The following ZNF438 variants were observed in gnomAD, a reference collection of about 807,000 sequenced individuals.
ZNF438 encodes the protein zinc finger protein 438.
In ZNF438, 25 loss-of-function variants were observed where a neutral mutation model predicts 38.0. That is an observed-to-expected ratio of 0.66 (90% confidence interval 0.48 to 0.92). The LOEUF is 0.92. ZNF438 is among the 40% of genes least tolerant of loss of function. The pLI is 0.00. For synonymous variants in ZNF438, 372 were observed against 364.1 expected, an observed-to-expected ratio of 1.02 and a Z score of -0.25; for missense variants, 1,007 against 999.6, an observed-to-expected ratio of 1.01 and a Z score of -0.10.
chr10:31,027,628 T>A (rs906978271), intron 1 of ZNF438, among the ~76,000 whole-genome samples: 1 of 152,172 alleles, frequency 6.6e-6, no homozygotes, highest in African/African-American at 2.4e-5. Flanking sequence ...TTATACCATA[T>A]ATGGGTATCT....
At chr10:30,947,807 CCTTT>C (rs982071727) in intron 1 of ZNF438, among the ~76,000 whole-genome samples, 9 of 152,216 alleles carry the variant, frequency 5.9e-5, no homozygotes, top group Non-Finnish European at 1.3e-4. Flanking sequence ...ATCTGTCACC[CCTTT>C]CTTTGACTCG....
chr10:30,845,694 G>A, intron 5 of ZNF438, 121 bp from the exon 7 acceptor site: 2 of 1,246,150 alleles, frequency 1.6e-6, no homozygotes, highest in South Asian at 1.5e-5. Flanking sequence ...ACAAGGGCTG[G>A]GGTAAACAGA....
At chr10:30,967,111 A>G (rs1295895046) in intron 1 of ZNF438, among the ~76,000 whole-genome samples, 2 of 152,096 alleles carry the variant, frequency 1.3e-5, no homozygotes, top group Non-Finnish European at 1.5e-5. Context: ...TGGCAAAAGT[A>G]CTCCTTTTCC....
intron 2 of ZNF438, among the ~76,000 whole-genome samples, chr10:30,914,913 G>A (rs2043443994): frequency 1.3e-5 from 2 of 151,900 alleles, no homozygotes; most frequent in African/African-American, 4.8e-5. Flanking sequence ...TATGACCTAA[G>A]AAGAAATGCC....
intron 4 of ZNF438, among the ~76,000 whole-genome samples, chr10:30,874,905 T>A (rs10826886): frequency 0.39 from 58,911 of 151,624 alleles, 11,730 homozygotes; most frequent in Admixed American, 0.41. Flanking sequence ...AGTCACTTAC[T>A]GGTTGGTGGT....
intron 1 of ZNF438, among the ~76,000 whole-genome samples, chr10:30,949,111 C>A (rs1337295153): frequency 6.6e-6 from 1 of 152,112 alleles, no homozygotes; most frequent in Admixed American, 6.6e-5. Flanking sequence ...TTCTTAAAGA[C>A]AACAATTTTC....
chr10:30,983,094 T>A (rs1019865983), intron 1 of ZNF438, among the ~76,000 whole-genome samples: 1 of 152,062 alleles, frequency 6.6e-6, no homozygotes, highest in Non-Finnish European at 1.5e-5. Context: ...GAAAAAGAAG[T>A]GTACTGGGAA....
intron 3 of ZNF438, among the ~76,000 whole-genome samples, chr10:30,890,083 CAAAA>C (rs71863439): frequency 3.2e-5 from 3 of 93,382 alleles, no homozygotes; most frequent in Admixed American, 1.1e-4. Context: ...TTGGCATTTC[CAAAA>C]AAAAAAAAAA....
At chr10:30,950,162 G>A (rs1313875632) in intron 1 of ZNF438, among the ~76,000 whole-genome samples, 21 of 150,350 alleles carry the variant, frequency 1.4e-4, no homozygotes, top group South Asian at 6.4e-4. Flanking sequence ...GGTACATAAC[G>A]AAATGAAGGC....
chr10:30,866,631 G>A (rs1279688975), intron 4 of ZNF438, among the ~76,000 whole-genome samples: 2 of 152,018 alleles, frequency 1.3e-5, no homozygotes, highest in Admixed American at 6.5e-5. Context: ...TCAGGAGATC[G>A]AGACCATCCT....
chr10:30,983,444 TAC>T (rs2052441592), intron 1 of ZNF438, among the ~76,000 whole-genome samples: 1 of 152,060 alleles, frequency 6.6e-6, no homozygotes, highest in South Asian at 2.1e-4. Context: ...GGGGAGGTGT[TAC>T]ACACTTTTAA....
At position 30,960,889 on chromosome 10, in the gene ZNF438, C is replaced by T. The variant is rs370588140; in HGVS notation, c.-191-19238G>A. 3.4e-5 allele frequency among the ~76,000 whole-genome samples: 5 copies of T among 146,074 alleles called. No individual in the cohort carries two copies. The East Asian group carries it at 9.7e-4, about 28-fold the overall frequency. ...AAGATTTCAACCATTAACGTATTCC[C>T]CTAGGATTGACTGTAAAATTAAGTT... On this transcript the variant is annotated intron_variant, in intron 1 of 5. Coordinates refer to ENST00000413025, the Ensembl canonical transcript of ZNF438.
chr10:31,010,573 A>C (rs1201122529), intron 1 of ZNF438, among the ~76,000 whole-genome samples: 1 of 152,178 alleles, frequency 6.6e-6, no homozygotes, highest in East Asian at 1.9e-4. Flanking sequence ...AAAATTGAAC[A>C]TGTTTAATTA....
chr10:30,951,159 C>G (rs1254870706), intron 1 of ZNF438, among the ~76,000 whole-genome samples: 1 of 151,234 alleles, frequency 6.6e-6, no homozygotes, highest in African/African-American at 2.4e-5. Flanking sequence ...ACATGATTAT[C>G]TCAATAGATG....
chr10:31,028,655 T>C (rs1211256502), intron 1 of ZNF438, among the ~76,000 whole-genome samples: 2 of 152,198 alleles, frequency 1.3e-5, no homozygotes, highest in Non-Finnish European at 2.9e-5. Flanking sequence ...TAGTCTACTC[T>C]AATTTTATTC....
intron 4 of ZNF438, among the ~76,000 whole-genome samples, chr10:30,851,950 G>A (rs1018079452): frequency 6.6e-6 from 1 of 151,938 alleles, no homozygotes; most frequent in Non-Finnish European, 1.5e-5. Context: ...CTTGAGGTCA[G>A]GAGCTTGAAA....
chr10:30,963,018 T>C (rs765315684), intron 1 of ZNF438, among the ~76,000 whole-genome samples: 30 of 152,210 alleles, frequency 2.0e-4, no homozygotes, highest in Non-Finnish European at 4.0e-4. Context: ...ATATAAATTA[T>C]ATTCATTTTA....
intron 4 of ZNF438, among the ~76,000 whole-genome samples, chr10:30,863,059 C>CT (rs2133206286): frequency 6.6e-6 from 1 of 152,122 alleles, no homozygotes; most frequent in Admixed American, 6.5e-5. Context: ...TTTTGCTGCA[C>CT]GTTTTTCTAT....
At chr10:30,917,578 T>C (rs1412798375) in intron 2 of ZNF438, among the ~76,000 whole-genome samples, 1 of 152,202 alleles carries the variant, frequency 6.6e-6, no homozygotes, top group African/African-American at 2.4e-5. Context: ...TGCTTACTAA[T>C]CATTTGAATA....
Sources: allele counts gnomAD v4.1 joint callset (sites outside exome capture counted in the v4.1 genomes callset), GRCh38; gene constraint gnomAD v4.1.1; transcripts MANE v1.5; gene names NCBI Gene and HGNC (gene_info 2026-07-23, HGNC 2026-07-21).